Variants in KRT40 observed in about 807,000 individuals in gnomAD.
KRT40 encodes keratin 40.
In KRT40, 47 loss-of-function variants were observed where a neutral mutation model predicts 43.5. That is an observed-to-expected ratio of 1.08 (90% CI 0.86 to 1.38). The LOEUF (loss-of-function observed/expected upper bound fraction) is 1.38. Among genes scored for constraint, KRT40 ranks in the 40% most tolerant of loss-of-function variants. The pLI, the probability that KRT40 is intolerant of heterozygous loss-of-function variation, is 0.00. For missense variants in KRT40, 573 were observed against 523.6 expected, an observed-to-expected ratio of 1.09 and a Z score of -0.92; for synonymous variants, 212 against 214.0, an observed-to-expected ratio of 0.99 and a Z score of 0.08.
chr17:40,978,098 C>G lies in KRT40; in HGVS notation c.*99G>C. The G allele has an allele frequency of 1.2e-6, 1 of 856,320 alleles. No homozygotes were observed. Among genetic ancestry groups the G allele is most frequent in the African/African-American group, 1.7e-5 (1 of 59,878 alleles). The allele number at this position is 856,320 out of a possible 1,614,324, so 53.0% of individuals were successfully genotyped here. ...GGGCAATTCCAGGATATGAGAGCCT[C>G]CTGGATTTGTGCTTCCGGTTTGGAT... is the stretch of plus-strand genomic sequence containing the variant. On this transcript the variant is annotated 3_prime_UTR_variant, in exon 7 of 7. Coordinates refer to ENST00000377755, the MANE Select transcript of KRT40 (RefSeq NM_001389244.1).
chr17:40,979,488 G>T (rs11867851), intron 5 of KRT40, among the ~76,000 whole-genome samples: 1 of 150,488 alleles, frequency 6.6e-6, no homozygotes, highest in Non-Finnish European at 1.5e-5. Context: ...GGCGACAGAG[G>T]GAGACTCCGT....
At chr17:40,984,860 A>AGTTGTGTGT (rs551051327), upstream of KRT40, among the ~76,000 whole-genome samples, 4 of 151,448 alleles carry the variant, frequency 2.6e-5, no homozygotes, top group African/African-American at 9.7e-5. Flanking sequence ...TTGGGTTTAA[A>AGTTGTGTGT]GTGTGTGTGT....
rs567559875 is a variant in KRT40, at chr17:40,980,995, C to T, written c.844G>A (p.Val282Ile). 3.0e-5 allele frequency: 48 copies of T among 1,614,216 alleles called. No individual in the cohort carries two copies. In the African/African-American group the frequency reaches 5.6e-4, roughly 19 times the overall value. Residue 282 changes from valine to isoleucine, a missense_variant, in exon 4 of 7, where the codon GTT becomes ATT. Val to Ile is a conservative substitution (Grantham distance 29, BLOSUM62 3). Transcript: ENST00000377755. ...TTTTCAATCTGGGTACTGACCTGAA[C>T]AGCCAACCATTCTTCAGCTTCTCTG... ...NRREAEEWLA[V>I]QTEELNQQQL... is the part of the protein sequence containing the mutation.
chr17:40,985,540 A>G (rs1912431751), upstream of KRT40, among the ~76,000 whole-genome samples: 1 of 152,172 alleles, frequency 6.6e-6, no homozygotes, highest in Admixed American at 6.5e-5. Context: ...TCCAGAATAA[A>G]CTTATTTTTT....
At chr17:40,981,431 G>T (rs190700383) in intron 3 of KRT40, 16 of 611,948 alleles carry the variant, frequency 2.6e-5, no homozygotes, top group Non-Finnish European at 3.0e-6. Flanking sequence ...ATGACACATA[G>T]TAAGGTGTCA....
At chr17:40,982,710 A>G (rs962752182) in intron 2 of KRT40, among the ~76,000 whole-genome samples, 4 of 151,964 alleles carry the variant, frequency 2.6e-5, no homozygotes, top group African/African-American at 9.7e-5. Context: ...GTTATTTTCA[A>G]ATTAAAATTA....
intron 2 of KRT40, 38 bp downstream of exon 2, chr17:40,983,008 C>T (rs754548610): frequency 2.3e-6 from 2 of 885,980 alleles, no homozygotes; most frequent in South Asian, 3.0e-5. Context: ...AACTCCATCT[C>T]AAAATAAATA....
chr17:40,982,928 A>G (rs1912262140), intron 2 of KRT40, 118 bp downstream of exon 2: 1 of 525,410 alleles, frequency 1.9e-6, no homozygotes, highest in South Asian at 2.9e-5. Flanking sequence ...GAACCACTTG[A>G]ACCCAGGAGG....
chr17:40,982,407 T>A lies in KRT40; in HGVS notation c.587A>T (p.His196Leu). The stretch of plus-strand genomic sequence containing the variant: ...CAGGGTCAGTTCCTCCAGGATCCCA[T>A]GCAGGCTGCTGATGTCAGCCTCTAA... Reference protein sequence around the residue: ...QLLEADISSLHGILEELTLCK... With the variant: ...QLLEADISSLLGILEELTLCK... Residue 196 changes from histidine (H) to leucine (L), a missense_variant, in exon 3 of 7, where the codon CAT (histidine) becomes CTT (leucine). Physicochemically the swap from His to Leu is moderately conservative, Grantham distance 99. Coordinates refer to ENST00000377755, the MANE Select transcript of KRT40 (RefSeq NM_001389244.1). 1 of 1,611,038 alleles carries A rather than the reference T, an allele frequency of 6.2e-7. No homozygotes were observed. The highest frequency in any genetic ancestry group is 8.5e-7 in the Non-Finnish European group (1 of 1,178,580).
In KRT40 at chr17:40,979,050, G is replaced by A. The variant is rs774691087; in HGVS notation, c.976-26C>T. The stretch of plus-strand genomic sequence containing the variant: ...CTGCGGGAGGAAACATTGTCCAAAG[G>A]ACCATGAAGTGCAGTCTCTCGGGCC... On this transcript the variant is annotated intron_variant, in intron 5 of 6. Transcript: ENST00000377755. 1.3e-5 allele frequency: 20 copies of A among 1,581,850 alleles called. No individual in the cohort carries two copies. The South Asian group carries it at 2.2e-4, about 18-fold the overall frequency.
In KRT40 at chr17:40,978,007, C is replaced by T. The variant is rs1911877907; in HGVS notation, c.*190G>A. The stretch of plus-strand genomic sequence containing the variant: ...ATGAGCAAGAATGCTTTATGGGCTT[C>T]CAGTATACCACAAATAAGCCGGAAG... On this transcript the variant is annotated 3_prime_UTR_variant, in exon 7 of 7. Coordinates refer to ENST00000377755, the MANE Select transcript of KRT40 (RefSeq NM_001389244.1). 2 of 550,902 alleles carry T rather than the reference C, an allele frequency of 3.6e-6. No homozygotes were observed. The highest frequency in any genetic ancestry group is 3.0e-5 in the Admixed American group (1 of 33,062). 34.1% of individuals were successfully genotyped at this position (550,902 alleles called of 1,614,324 possible).
rs139690098 is a variant in KRT40, at chr17:40,979,377, C to T, written c.976-353G>A. Reference sequence around the variant, plus strand: ...AAAAATATAAAAAATTAGCTGGGTACGGTGGTGGACGCCTGTAGTCCCAGC... The same window carrying T: ...AAAAATATAAAAAATTAGCTGGGTATGGTGGTGGACGCCTGTAGTCCCAGC... On this transcript the variant is annotated intron_variant, in intron 5 of 6. Transcript: ENST00000377755. 9.1e-3 allele frequency among the ~76,000 whole-genome samples: 1,377 copies of T among 151,728 alleles called. 21 individuals carry two copies. The highest frequency in any genetic ancestry group is 0.032 in the African/African-American group (1,307 of 41,342).
chr17:40,982,491 C>T (rs532783291), intron 2 of KRT40, 28 bp from the exon 3 acceptor site: 2 of 1,517,536 alleles, frequency 1.3e-6, no homozygotes, highest in South Asian at 2.7e-5. Context: ...AAATCCAACG[C>T]TTACTTTGCT....
At chr17:40,982,265 G>T in intron 3 of KRT40, 42 bp downstream of exon 3, 1 of 1,466,496 alleles carries the variant, frequency 6.8e-7, no homozygotes, top group Non-Finnish European at 9.1e-7. Context: ...ATGTAAGTAC[G>T]TTACTCTCGG....
At chr17:40,978,430 C>T in intron 6 of KRT40, 134 bp from the exon 7 acceptor site, 2 of 707,844 alleles carry the variant, frequency 2.8e-6, no homozygotes, top group Non-Finnish European at 2.5e-6. Context: ...TTGACTGAAG[C>T]CTGTTTCTTC....
upstream of KRT40, chr17:40,986,870 C>G (rs940938995): frequency 1.3e-5 from 2 of 152,166 alleles, no homozygotes; most frequent in Non-Finnish European, 2.9e-5. Flanking sequence ...TTATGGAATG[C>G]AAACTTTCTA....
At chr17:40,982,988 A>T in intron 2 of KRT40, 58 bp downstream of exon 2, 1 of 743,334 alleles carries the variant, frequency 1.3e-6, no homozygotes, top group South Asian at 1.7e-5. Flanking sequence ...AGCCTGGGTG[A>T]CAAGAGTGAA....
At chr17:40,981,385 G>T in intron 3 of KRT40, 1 of 739,204 alleles carries the variant, frequency 1.4e-6, no homozygotes, top group Non-Finnish European at 2.3e-6. Context: ...ATCTAGAAGA[G>T]TCAATCTACA....
chr17:40,979,061 G>A, intron 5 of KRT40, 37 bp from the exon 6 acceptor site: 2 of 1,538,164 alleles, frequency 1.3e-6, no homozygotes, highest in Non-Finnish European at 1.8e-6. Flanking sequence ...ACCATGAAGT[G>A]CAGTCTCTCG....
Sources: allele counts gnomAD v4.1 joint callset (sites outside exome capture counted in the v4.1 genomes callset), GRCh38; gene constraint gnomAD v4.1.1; transcripts MANE v1.5; gene names NCBI Gene and HGNC (gene_info 2026-07-23, HGNC 2026-07-21).